The following ZNF69 variants were observed in gnomAD, a reference collection of about 807,000 sequenced individuals.
ZNF69 encodes ZNF3.
In ZNF69, 47 loss-of-function variants were observed where a neutral mutation model predicts 50.9. That is an observed-to-expected ratio of 0.92 (90% CI 0.73 to 1.18). The LOEUF (loss-of-function observed/expected upper bound fraction) is 1.18, where lower values mean the gene tolerates loss of function less well. ZNF69 is among the 50% of genes most tolerant of loss of function. The pLI is 0.00. For synonymous variants in ZNF69, 216 were observed against 223.1 expected, an observed-to-expected ratio of 0.97 and a Z score of 0.29; for missense variants, 717 against 675.1, an observed-to-expected ratio of 1.06 and a Z score of -0.69.
chr19:11,942,436 G>A, the ZNF69 span, among the ~76,000 whole-genome samples: 34 of 152,178 alleles, frequency 2.2e-4, no homozygotes, highest in African/African-American at 8.0e-4. Context: ...GACAGCCCAG[G>A]CAGCTCGTTT....
At chr19:11,925,140 T>G in the ZNF69 span, 1 of 1,581,992 alleles carries the variant, frequency 6.3e-7, no homozygotes, top group Non-Finnish European at 8.6e-7. Flanking sequence ...CGGCGGTTGG[T>G]AACCGGTCAG....
intron 1 of ZNF69, among the ~76,000 whole-genome samples, chr19:11,891,360 G>A (rs1266242643): frequency 7.2e-6 from 1 of 138,142 alleles, no homozygotes; most frequent in East Asian, 2.0e-4. Context: ...AATGCAGTGA[G>A]AGCCTGTCTG....
rs1215271994 is a variant in ZNF69 at position 11,891,428 on chromosome 19, GAAGGAAGGAAGGAAGAAA to G, written c.63+3458_63+3475del. 1.3e-5 allele frequency among the ~76,000 whole-genome samples: 2 copies of G among 150,218 alleles called. 1 individual carries two copies. Among genetic ancestry groups the G allele is most frequent in the South Asian group, 4.2e-4 (2 of 4,730 alleles). On this transcript the variant is annotated intron_variant, in intron 1 of 3. Coordinates refer to ENST00000429654, the MANE Select transcript of ZNF69 (RefSeq NM_001364730.1). Reference sequence around the variant, plus strand: ...GGAAGGGAGGGAGGGAAGGAAGGAAGAAGGAAGGAAGGAAGAAAAAGGAAGGAAGGAAGGAAGAGAGTG... The same window carrying G: ...GGAAGGGAGGGAGGGAAGGAAGGAAGAAGGAAGGAAGGAAGGAAGAGAGTG...
the ZNF69 span, among the ~76,000 whole-genome samples, chr19:11,944,783 G>T: frequency 2.2e-4 from 33 of 152,224 alleles, no homozygotes; most frequent in Non-Finnish European, 4.1e-4. Flanking sequence ...TTGTTGGCAG[G>T]TAATACATCG....
intron 1 of ZNF69, among the ~76,000 whole-genome samples, chr19:11,896,378 C>T (rs1397117510): frequency 6.6e-6 from 1 of 151,848 alleles, no homozygotes; most frequent in Non-Finnish European, 1.5e-5. Flanking sequence ...CTATCTTAGT[C>T]ATCTTGGGCT....
the ZNF69 span, chr19:11,947,331 G>C: frequency 1.9e-6 from 3 of 1,613,130 alleles, no homozygotes; most frequent in Non-Finnish European, 2.5e-6. Flanking sequence ...TATTCCTTCC[G>C]TCAGTGCATT....
chr19:11,976,904 A>G, the ZNF69 span: 1 of 1,529,904 alleles, frequency 6.5e-7, no homozygotes, highest in East Asian at 2.3e-5. Flanking sequence ...AAAGTACAGA[A>G]AGCGAGAAAG....
chr19:11,926,342 T>A, the ZNF69 span, among the ~76,000 whole-genome samples: 2 of 152,118 alleles, frequency 1.3e-5, no homozygotes, highest in African/African-American at 4.8e-5. Context: ...TTTTCAGGGT[T>A]TTTTGCGGGT....
rs1339076324 is a variant in ZNF69 at position 11,887,881 on chromosome 19, C to T, written c.-43C>T. On this transcript the variant is annotated 5_prime_UTR_variant, in exon 1 of 4. Coordinates refer to ENST00000429654, the MANE Select transcript of ZNF69 (RefSeq NM_001364730.1). ...CGGTCTTTCCAGCCCCGAGAGGGAC[C>T]TGGTTCCTCTGCCCAGGCTTCTGTC... 5 of 1,589,674 alleles carry T rather than the reference C, an allele frequency of 3.1e-6. No homozygotes were observed. The highest frequency in any genetic ancestry group is 4.3e-6 in the Non-Finnish European group (5 of 1,161,698).
At chr19:11,901,729 C>T (rs1410397565) in intron 1 of ZNF69, among the ~76,000 whole-genome samples, 1 of 152,016 alleles carries the variant, frequency 6.6e-6, no homozygotes, top group African/African-American at 2.4e-5. Flanking sequence ...AGTGATCCGC[C>T]CACCTTAACC....
the ZNF69 span, chr19:11,979,466 A>G: frequency 6.2e-7 from 1 of 1,603,084 alleles, no homozygotes; most frequent in Non-Finnish European, 8.5e-7. Context: ...TTATAAATGT[A>G]AGACATGTGG....
chr19:11,940,615 C>G, the ZNF69 span, among the ~76,000 whole-genome samples: 1 of 152,166 alleles, frequency 6.6e-6, no homozygotes, highest in African/African-American at 2.4e-5. Context: ...AGAGTGAGCA[C>G]TAGCAAGATT....
the ZNF69 span, among the ~76,000 whole-genome samples, chr19:11,952,024 A>T: frequency 6.6e-6 from 1 of 151,992 alleles, no homozygotes; most frequent in Non-Finnish European, 1.5e-5. Context: ...AAATTACAAA[A>T]ATTAGCCAGG....
chr19:11,895,652 A>C (rs1977207529), intron 1 of ZNF69, among the ~76,000 whole-genome samples: 1 of 152,202 alleles, frequency 6.6e-6, no homozygotes, highest in South Asian at 2.1e-4. Flanking sequence ...GAGGAGGTGG[A>C]GAACTAGAAA....
downstream of ZNF69, among the ~76,000 whole-genome samples, chr19:11,911,494 T>TA (rs1972457174): frequency 6.6e-6 from 1 of 152,256 alleles, no homozygotes; most frequent in Admixed American, 6.5e-5. Context: ...TATGCAGCCA[T>TA]AAAAAATGAT....
chr19:11,887,814 C>T lies in ZNF69; in HGVS notation c.-110C>T, dbSNP rs1056365065. 4.4e-6 allele frequency: 4 copies of T among 908,860 alleles called. No individual in the cohort carries two copies. The East Asian group carries it at 1.1e-4, about 26-fold the overall frequency. 56.3% of individuals were successfully genotyped at this position (908,860 alleles called of 1,614,324 possible). On this transcript the variant is annotated 5_prime_UTR_variant, in exon 1 of 4. Transcript: ENST00000429654. ...CTCCAGACACTGAGGGGGTCGCATT[C>T]CTTACCTCACCTTTGTCCCTGCGCG... is the stretch of plus-strand genomic sequence containing the variant.
the ZNF69 span, among the ~76,000 whole-genome samples, chr19:11,955,392 CT>C: frequency 8.5e-5 from 12 of 141,230 alleles, no homozygotes; most frequent in African/African-American, 3.3e-4. Context: ...CTTTTTCTTT[CT>C]TTCTTTTTTT....
At chr19:11,937,053 G>A in the ZNF69 span, among the ~76,000 whole-genome samples, 1 of 152,060 alleles carries the variant, frequency 6.6e-6, no homozygotes, top group African/African-American at 2.4e-5. Context: ...CTATATATCT[G>A]TTTTGGTCCC....
downstream of ZNF69, among the ~76,000 whole-genome samples, chr19:11,907,717 C>T (rs992177405): frequency 2.6e-5 from 4 of 152,218 alleles, no homozygotes; most frequent in African/African-American, 7.2e-5. Context: ...ACTGCAAAAA[C>T]ATGCCAAATT....
Sources: gnomAD v4.1 joint callset for allele counts (sites outside exome capture counted in the v4.1 genomes callset) on GRCh38, gnomAD v4.1.1 for gene constraint, MANE v1.5 for transcripts, NCBI Gene and HGNC (gene_info 2026-07-23, HGNC 2026-07-21) for gene names.